OPRL1: variants seen among roughly 807,000 people sequenced by gnomAD.
OPRL1 encodes the protein opioid related nociceptin receptor 1, also known as nociceptin receptor.
In OPRL1, 5 loss-of-function variants were observed where a neutral mutation model predicts 15.5. The ratio of observed to expected loss-of-function variants is 0.32; its 90% CI spans 0.17 to 0.68. The LOEUF (loss-of-function observed/expected upper bound fraction) is 0.68, where lower values mean the gene tolerates loss of function less well. OPRL1 is among the 30% of genes least tolerant of loss of function. The probability of loss-of-function intolerance (pLI) is 0.72; values close to 1 mark genes in which losing one functional copy is unlikely to be tolerated. For missense variants in OPRL1, 406 were observed against 515.3 expected, an observed-to-expected ratio of 0.79 and a Z score of 2.05; for synonymous variants, 223 against 230.2, an observed-to-expected ratio of 0.97 and a Z score of 0.28.
chr20:64,093,165 C>A (rs1224534085), intron 3 of OPRL1, among the ~76,000 whole-genome samples: 1 of 150,678 alleles, frequency 6.6e-6, no homozygotes, highest in Non-Finnish European at 1.5e-5. Context: ...CTGGCCCTGG[C>A]CCACCGCGCT....
In OPRL1 at chr20:64,090,630, T is replaced by G. The variant is rs1025411824; in HGVS notation, c.-184-1336T>G. On this transcript the variant is annotated intron_variant, in intron 1 of 4. Transcript: ENST00000336866. The surrounding 1 kb of genome is among the most constrained non-coding windows in gnomAD (Gnocchi z 4.9). Reference sequence around the variant, plus strand: ...CAGCCTTGACCTGTGACCTTTCATCTCAGTGGATCAGGCATGGGACCCCCG... The same window carrying G: ...CAGCCTTGACCTGTGACCTTTCATCGCAGTGGATCAGGCATGGGACCCCCG... Among the ~76,000 whole-genome samples the G allele has an allele frequency of 6.6e-6, 1 of 152,144 alleles. No individual in the cohort carries two copies. Among genetic ancestry groups the G allele is most frequent in the African/African-American group, 2.4e-5 (1 of 41,434 alleles).
intron 1 of OPRL1, among the ~76,000 whole-genome samples, chr20:64,084,631 G>A (rs1389835650): frequency 6.6e-6 from 1 of 152,184 alleles, no homozygotes; most frequent in African/African-American, 2.4e-5. Context: ...TGCGGTCCCC[G>A]ACAGTCAGGG....
At chr20:64,093,075 T>C (rs1978392437) in intron 3 of OPRL1, 122 bp downstream of exon 3, 7 of 888,258 alleles carry the variant, frequency 7.9e-6, no homozygotes, top group Non-Finnish European at 1.0e-5. Context: ...CCCCATTCAA[T>C]GTTTTTGACC....
intron 1 of OPRL1, chr20:64,084,451 A>G (rs1321483012): frequency 9.0e-7 from 1 of 1,111,272 alleles, no homozygotes; most frequent in Non-Finnish European, 1.1e-6. Flanking sequence ...TCAGTCCTGC[A>G]GTCAACTAGG....
In OPRL1 at chr20:64,090,644, A is replaced by C. The variant is rs566032526; in HGVS notation, c.-184-1322A>C. Among the ~76,000 whole-genome samples the C allele has an allele frequency of 3.9e-5, 6 of 152,176 alleles. No homozygotes were observed. Among genetic ancestry groups the C allele is most frequent in the Non-Finnish European group, 5.9e-5 (4 of 68,018 alleles). The stretch of plus-strand genomic sequence containing the variant: ...GACCTTTCATCTCAGTGGATCAGGC[A>C]TGGGACCCCCGTGCTGAGAAGGAGG... On this transcript the variant is annotated intron_variant, in intron 1 of 4. Coordinates refer to ENST00000336866, the MANE Select transcript of OPRL1 (RefSeq NM_182647.4). The surrounding 1 kb of genome is among the most constrained non-coding windows in gnomAD (Gnocchi z 4.9).
At position 64,097,798 on chromosome 20, in the gene OPRL1, G is replaced by A. The variant is rs200634213; in HGVS notation, c.234-4G>A. 436 of 1,610,130 alleles carry A rather than the reference G, an allele frequency of 2.7e-4. No individual in the cohort carries two copies. Among genetic ancestry groups the A allele is most frequent in the Non-Finnish European group, 1.9e-4 (220 of 1,177,310 alleles). Reference sequence around the variant, plus strand: ...GAAGCCTTTCTTCTCCCTCTACTCCGCAGGCACACCAAAATGAAGACAGCC... The same window carrying A: ...GAAGCCTTTCTTCTCCCTCTACTCCACAGGCACACCAAAATGAAGACAGCC... On this transcript the variant is annotated splice_region_variant and splice_polypyrimidine_tract_variant and intron_variant, in intron 3 of 4. Coordinates refer to ENST00000336866, the MANE Select transcript of OPRL1 (RefSeq NM_182647.4). The surrounding 1 kb of genome is among the most constrained non-coding windows in gnomAD (Gnocchi z 4.2).
chr20:64,084,200 T>G (rs763156732), intron 1 of OPRL1: 16 of 1,425,214 alleles, frequency 1.1e-5, no homozygotes, highest in Middle Eastern at 2.5e-4. Context: ...GCGCCCGCCC[T>G]CCTTCGCTGG....
rs1215317985 is a variant in OPRL1 at position 64,098,287 on chromosome 20, C to G, written c.601C>G (p.Leu201Val). ...AQVEDEEIECLVEIPTPQDYW... is the reference protein window; with the variant it reads ...AQVEDEEIECVVEIPTPQDYW... The stretch of plus-strand genomic sequence containing the variant: ...TTCTCTCCCTGCAGAGATCGAGTGC[C>G]TGGTGGAGATCCCTACCCCTCAGGA... The change falls in exon 5 of 5, where the codon CTG (leucine) becomes GTG (valine). Residue 201 changes from leucine to valine, a missense_variant. Coordinates refer to ENST00000336866, the MANE Select transcript of OPRL1 (RefSeq NM_182647.4). 1 of 1,613,486 alleles carries G rather than the reference C, an allele frequency of 6.2e-7. No homozygotes were observed. The highest frequency in any genetic ancestry group is 8.5e-7 in the Non-Finnish European group (1 of 1,179,832).
chr20:64,083,259 T>G lies in OPRL1; in HGVS notation c.-185+2907T>G. On this transcript the variant is annotated intron_variant, in intron 1 of 4. Coordinates refer to ENST00000336866, the MANE Select transcript of OPRL1 (RefSeq NM_182647.4). This position sits in a 1 kb window ranked among gnomAD's most constrained non-coding sequence, Gnocchi z 4.9. ...ACCCACTTGCGTCTCCCCACTTTTTTGGGAGAGGCCCCACTCTCTGTACCC... is the reference window on the plus strand; with the variant it reads ...ACCCACTTGCGTCTCCCCACTTTTTGGGGAGAGGCCCCACTCTCTGTACCC... 1 of 883,930 alleles carries G rather than the reference T, an allele frequency of 1.1e-6. No homozygotes were observed. The highest frequency in any genetic ancestry group is 1.7e-6 in the Non-Finnish European group (1 of 589,782). The allele number at this position is 883,930 out of a possible 1,614,324, so 54.8% of individuals were successfully genotyped here.
intron 1 of OPRL1, chr20:64,086,375 A>G (rs965402464): frequency 1.2e-5 from 2 of 160,108 alleles, no homozygotes; most frequent in Admixed American, 1.3e-4. Context: ...CCTGGCTCAC[A>G]TTCCTCACCC....
Position 64,098,936 on chromosome 20 carries a change from C to T in OPRL1, c.*137C>T. On this transcript the variant is annotated 3_prime_UTR_variant, in exon 5 of 5. Transcript: ENST00000336866. ...ATCCAGAGCCTGGGATGGGCTTTTC[C>T]CTGTGGGCCAGGGATGCTCGGTCCC... The T allele has an allele frequency of 8.0e-7, 1 of 1,246,626 alleles. No individual in the cohort carries two copies. Among genetic ancestry groups the T allele is most frequent in the Admixed American group, 2.8e-5 (1 of 35,342 alleles). The allele number at this position is 1,246,626 out of a possible 1,614,324, so 77.2% of individuals were successfully genotyped here. A position where few individuals can be genotyped will look rare whatever the true frequency, so the allele number is the denominator to read the frequency against.
chr20:64,086,856 AGCCCAGG>A (rs2060057026), intron 1 of OPRL1, among the ~76,000 whole-genome samples: 1 of 152,204 alleles, frequency 6.6e-6, no homozygotes, highest in Non-Finnish European at 1.5e-5. Flanking sequence ...GTTCTTGGCC[AGCCCAGG>A]GTGGTGAGCC....
chr20:64,089,273 G>T lies in OPRL1; in HGVS notation c.-184-2693G>T, dbSNP rs2060097324. ...GAACACCTGGACTGGGGAGGCCACG[G>T]CCTTCTGCTGGACCCTGAACGGCTC... On this transcript the variant is annotated intron_variant, in intron 1 of 4. Transcript: ENST00000336866. This position sits in a 1 kb window ranked among gnomAD's most constrained non-coding sequence, Gnocchi z 5.5. Among the ~76,000 whole-genome samples the T allele has an allele frequency of 6.6e-6, 1 of 152,136 alleles. No individual in the cohort carries two copies.
At chr20:64,088,734 G>GGCCA (rs869044791) in intron 1 of OPRL1, among the ~76,000 whole-genome samples, 14 of 8,356 alleles carry the variant, frequency 1.7e-3, no homozygotes, top group Admixed American at 3.6e-3. Flanking sequence ...ATCTGTGCAA[G>GGCCA]GGGTAGGATC....
chr20:64,097,995 G>C lies in OPRL1; in HGVS notation c.427G>C (p.Ala143Pro). ...NMFTSTFTLT[A>P]MSVDRYVAIC... is the part of the protein sequence containing the mutation. ...GTTCACCAGCACCTTCACCCTAACT[G>C]CCATGAGTGTGGATCGCTATGTAGC... Residue 143 changes from alanine to proline, a missense_variant, in exon 4 of 5, where the codon GCC (alanine) becomes CCC (proline). Ala to Pro is a conservative substitution (Grantham distance 27). Coordinates refer to ENST00000336866, the MANE Select transcript of OPRL1 (RefSeq NM_182647.4). This position sits in a 1 kb window ranked among gnomAD's most constrained non-coding sequence, Gnocchi z 4.2. The C allele has an allele frequency of 1.2e-6, 2 of 1,613,660 alleles. No individual in the cohort carries two copies. Among genetic ancestry groups the C allele is most frequent in the Non-Finnish European group, 1.7e-6 (2 of 1,180,022 alleles).
chr20:64,081,606 A>G (rs968129543), intron 1 of OPRL1, among the ~76,000 whole-genome samples: 2 of 152,202 alleles, frequency 1.3e-5, no homozygotes, highest in African/African-American at 2.4e-5. Flanking sequence ...GGGTGGGGCC[A>G]GGTGAGCTGG....
chr20:64,097,951 C>A lies in OPRL1; in HGVS notation c.383C>A (p.Ala128Asp). ...AATGCGCTGTGCAAGACAGTCATTG[C>A]CATTGACTACTACAACATGTTCACC... ...FGNALCKTVI[A>D]IDYYNMFTST... is the part of the protein sequence containing the mutation. Residue 128 changes from alanine (A) to aspartate (D), a missense_variant, in exon 4 of 5, where the codon GCC becomes GAC. Ala to Asp is a moderately radical substitution (Grantham distance 126). Transcript: ENST00000336866. The surrounding 1 kb of genome is among the most constrained non-coding windows in gnomAD (Gnocchi z 4.2). The A allele has an allele frequency of 6.2e-7, 1 of 1,613,740 alleles. No homozygotes were observed. Among genetic ancestry groups the A allele is most frequent in the Non-Finnish European group, 8.5e-7 (1 of 1,180,026 alleles).
At position 64,098,153 on chromosome 20, in the gene OPRL1, TGAA is replaced by T. The variant is rs1243536191; in HGVS notation, c.587_589del (p.Glu197del). 1 of 1,612,604 alleles carries T rather than the reference TGAA, an allele frequency of 6.2e-7. No individual in the cohort carries two copies. On this transcript the variant is annotated inframe_deletion and splice_region_variant, in exon 4 of 5. Coordinates refer to ENST00000336866, the MANE Select transcript of OPRL1 (RefSeq NM_182647.4). ...TCATGGGCTCGGCACAGGTCGAGGA[TGAA>T]GGTCAGTGGGGTGTCCCCTCCTCCC...
In OPRL1 at chr20:64,098,841, C is replaced by G. The variant is rs1397987483; in HGVS notation, c.*42C>G. On this transcript the variant is annotated 3_prime_UTR_variant, in exon 5 of 5. Coordinates refer to ENST00000336866, the MANE Select transcript of OPRL1 (RefSeq NM_182647.4). ...CCATGGTGCCTGTCAGCCCGCAGAG[C>G]CCATCTACGCCCAACACAGAGCTCA... is the stretch of plus-strand genomic sequence containing the variant. The G allele has an allele frequency of 2.6e-6, 4 of 1,547,848 alleles. No individual in the cohort carries two copies. In the African/African-American group the frequency reaches 5.4e-5, roughly 21 times the overall value.
Sources: gnomAD v4.1 joint callset for allele counts (sites outside exome capture counted in the v4.1 genomes callset) on GRCh38, gnomAD v4.1.1 for gene constraint, Gnocchi (gnomAD v3.1) non-coding constraint, MANE v1.5 for transcripts, NCBI Gene and HGNC (gene_info 2026-07-23, HGNC 2026-07-21) for gene names.